ST18: variants seen among roughly 807,000 people sequenced by gnomAD.
ST18 encodes the protein suppression of tumorigenicity 18 protein.
In ST18, 50 loss-of-function variants were observed where a neutral mutation model predicts 110.0. The observed-to-expected ratio is 0.45, with a 90% confidence interval of 0.36 to 0.58. The LOEUF (loss-of-function observed/expected upper bound fraction) is 0.58. Ranked by LOEUF, ST18 falls within the 20% of genes least tolerant of loss-of-function variation. The pLI, the probability that ST18 is intolerant of heterozygous loss-of-function variation, is 0.00. For missense variants in ST18, 1,306 were observed against 1,280.1 expected (o/e 1.02, Z -0.31); for synonymous variants, 461 against 452.4 (o/e 1.02, Z -0.24).
At chr8:52,219,537 T>TGAAGA (rs2085811607) in intron 5 of ST18, among the ~76,000 whole-genome samples, 1 of 152,228 alleles carries the variant, frequency 6.6e-6, no homozygotes, top group Admixed American at 6.5e-5. Context: ...TCTTTGGCTC[T>TGAAGA]ATACAGAGAA....
At chr8:52,332,354 A>G (rs952576662) in intron 2 of ST18, among the ~76,000 whole-genome samples, 1 of 152,080 alleles carries the variant, frequency 6.6e-6, no homozygotes, top group Non-Finnish European at 1.5e-5. Context: ...TTTCTCTAAG[A>G]AATATCTTCA....
chr8:52,224,511 C>T (rs1588854896), intron 3 of ST18, among the ~76,000 whole-genome samples: 1 of 152,248 alleles, frequency 6.6e-6, no homozygotes. Flanking sequence ...AAGACAAACA[C>T]TCTTCATTGG....
At chr8:52,175,362 C>G (rs2066521002) in intron 9 of ST18, among the ~76,000 whole-genome samples, 1 of 152,138 alleles carries the variant, frequency 6.6e-6, no homozygotes, top group Admixed American at 6.5e-5. Flanking sequence ...GGGCAGGGTC[C>G]CACTATTGAG....
chr8:52,231,386 T>C (rs2091303265), intron 2 of ST18, among the ~76,000 whole-genome samples: 1 of 152,142 alleles, frequency 6.6e-6, no homozygotes, highest in Admixed American at 6.5e-5. Context: ...TGCCTCTGAG[T>C]AAAGGATATC....
chr8:52,150,008 T>C, intron 15 of ST18, 31 bp from the exon 16 acceptor site: 7 of 1,594,776 alleles, frequency 4.4e-6, no homozygotes, highest in Non-Finnish European at 6.0e-6. Context: ...GAAAAACATT[T>C]AAGCAGTTTG....
chr8:52,155,781 T>C (rs2059871107), intron 15 of ST18, among the ~76,000 whole-genome samples: 1 of 152,184 alleles, frequency 6.6e-6, no homozygotes, highest in South Asian at 2.1e-4. Context: ...AAAGCACCAA[T>C]TCAGATTGCC....
chr8:52,204,161 A>T (rs750622489), intron 8 of ST18, among the ~76,000 whole-genome samples: 25 of 152,308 alleles, frequency 1.6e-4, no homozygotes, highest in Non-Finnish European at 3.1e-4. Flanking sequence ...AGATTTGGAC[A>T]TTTGTTCTGT....
intron 2 of ST18, among the ~76,000 whole-genome samples, chr8:52,326,618 A>G (rs1249860625): frequency 6.6e-6 from 1 of 152,204 alleles, no homozygotes; most frequent in East Asian, 1.9e-4. Flanking sequence ...ACAATGCATA[A>G]AATGTATATT....
intron 2 of ST18, among the ~76,000 whole-genome samples, chr8:52,372,208 A>C (rs1278268754): frequency 6.6e-6 from 1 of 152,192 alleles, no homozygotes; most frequent in Non-Finnish European, 1.5e-5. Context: ...TTAACAAAAA[A>C]GTTTTTAAAA....
rs578120724 is a variant in ST18, at chr8:52,312,201, T to C, written c.-464-82124A>G. 1.2e-4 allele frequency among the ~76,000 whole-genome samples: 18 copies of C among 152,290 alleles called. No individual in the cohort carries two copies. The South Asian group carries it at 3.5e-3, about 30-fold the overall frequency. ...CCCTCAAGCCCTTATTCTATCTATA[T>C]CCGATTTACTAGGGTTCTCAAATGA... On this transcript the variant is annotated intron_variant, in intron 2 of 25. Transcript: ENST00000689386.
rs116647779 is a variant in ST18, at chr8:52,135,087, A to G, written c.2300+1503T>C. ...AAAATATTTAAGAGACCCAATAGCT[A>G]TAATTAAGATGTGGCAATGTAGAAG... On this transcript the variant is annotated intron_variant, in intron 19 of 25. Coordinates refer to ENST00000689386, the MANE Select transcript of ST18 (RefSeq NM_001352837.2). Among the ~76,000 whole-genome samples, 385 of 152,348 alleles carry G rather than the reference A, an allele frequency of 2.5e-3. 1 individual carries two copies. The highest frequency in any genetic ancestry group is 8.7e-3 in the African/African-American group (363 of 41,588).
intron 17 of ST18, chr8:52,137,725 G>A (rs924197220): frequency 1.8e-5 from 8 of 448,016 alleles, no homozygotes; most frequent in East Asian, 1.1e-4. Context: ...CATCACATTC[G>A]ATTATTTGAT....
At chr8:52,182,613 G>A (rs959295780) in intron 8 of ST18, among the ~76,000 whole-genome samples, 2 of 152,178 alleles carry the variant, frequency 1.3e-5, no homozygotes, top group African/African-American at 4.8e-5. Context: ...ATCAGAGTGG[G>A]ATGGTGGTTG....
At chr8:52,387,846 T>C (rs1368958463) in intron 2 of ST18, among the ~76,000 whole-genome samples, 1 of 152,046 alleles carries the variant, frequency 6.6e-6, no homozygotes, top group Non-Finnish European at 1.5e-5. Flanking sequence ...ACTTATAAAG[T>C]TTTAAGTAAA....
At chr8:52,191,316 C>T (rs756717367) in intron 8 of ST18, among the ~76,000 whole-genome samples, 5 of 152,142 alleles carry the variant, frequency 3.3e-5, no homozygotes, top group Non-Finnish European at 7.4e-5. Context: ...GAAAAACAGC[C>T]CTAGTAGAGA....
chr8:52,272,879 A>C (rs1044979015), intron 2 of ST18, among the ~76,000 whole-genome samples: 1 of 152,194 alleles, frequency 6.6e-6, no homozygotes, highest in Non-Finnish European at 1.5e-5. Flanking sequence ...GTAGAATCAA[A>C]TAATAAGATG....
At chr8:52,143,143 G>C (rs1022520109) in intron 16 of ST18, 98 bp from the exon 17 acceptor site, 2 of 771,084 alleles carry the variant, frequency 2.6e-6, no homozygotes, top group Non-Finnish European at 4.3e-6. Context: ...TTTGAGTTTT[G>C]GCTTTGGACT....
chr8:52,358,424 A>G (rs1409186729), intron 2 of ST18, among the ~76,000 whole-genome samples: 3 of 151,960 alleles, frequency 2.0e-5, no homozygotes, highest in African/African-American at 7.2e-5. Context: ...TTCTTTTAAA[A>G]AGGGAAAAAA....
intron 2 of ST18, among the ~76,000 whole-genome samples, chr8:52,348,079 G>A (rs1384116266): frequency 3.3e-5 from 5 of 152,098 alleles, no homozygotes; most frequent in African/African-American, 4.8e-5. Flanking sequence ...AGTGGCTCAC[G>A]AACTGGTTTT....
Sources: allele counts gnomAD v4.1 joint callset (sites outside exome capture counted in the v4.1 genomes callset), GRCh38; gene constraint gnomAD v4.1.1; transcripts MANE v1.5; gene names NCBI Gene and HGNC (gene_info 2026-07-23, HGNC 2026-07-21).